DNM2: variants seen among roughly 807,000 people sequenced by gnomAD.
DNM2 encodes the protein dynamin 2.
In DNM2, 15 loss-of-function variants were observed where a neutral mutation model predicts 99.0. The ratio of observed to expected loss-of-function variants is 0.15; its 90% CI spans 0.10 to 0.23. DNM2 has a LOEUF of 0.23. Among genes scored for constraint, DNM2 ranks in the 10% least tolerant of loss-of-function variants. The pLI is 1.00. For missense variants in DNM2, 742 were observed against 1,189.4 expected, an observed-to-expected ratio of 0.62 and a Z score of 5.53; for synonymous variants, 525 against 481.2, an observed-to-expected ratio of 1.09 and a Z score of -1.19.
At chr19:10,737,414 C>G (rs913724583) in intron 1 of DNM2, among the ~76,000 whole-genome samples, 2 of 152,152 alleles carry the variant, frequency 1.3e-5, no homozygotes, top group African/African-American at 4.8e-5. Context: ...CCTGTTCTCT[C>G]TGTCCCCTTC....
intron 18 of DNM2, among the ~76,000 whole-genome samples, chr19:10,826,084 G>A (rs2073134427): frequency 6.6e-6 from 1 of 152,060 alleles, no homozygotes; most frequent in Non-Finnish European, 1.5e-5. Context: ...TTGAACACCA[G>A]AATCTGCACG....
In DNM2 at chr19:10,775,972, C is replaced by T; in HGVS notation, c.589+66C>T. Reference sequence around the variant, plus strand: ...CTGAGCATGGGATGTGCCCAGCATCCTTGGTTCCAAGTCACTGGCGTTCTC... The same window carrying T: ...CTGAGCATGGGATGTGCCCAGCATCTTTGGTTCCAAGTCACTGGCGTTCTC... On this transcript the variant is annotated intron_variant, in intron 4 of 20. Transcript: ENST00000389253. This position sits in a 1 kb window ranked among gnomAD's most constrained non-coding sequence, Gnocchi z 4.3. The T allele has an allele frequency of 8.9e-6, 14 of 1,580,094 alleles. No individual in the cohort carries two copies. Among genetic ancestry groups the T allele is most frequent in the Non-Finnish European group, 1.1e-5 (13 of 1,166,944 alleles).
chr19:10,828,316 G>A (rs558793181), intron 18 of DNM2, among the ~76,000 whole-genome samples: 10 of 151,704 alleles, frequency 6.6e-5, no homozygotes, highest in South Asian at 2.1e-4. Context: ...GGCTGGGCGC[G>A]GTGGCTCACG....
At position 10,743,930 on chromosome 19, in the gene DNM2, G is replaced by A. The variant is rs1282985787; in HGVS notation, c.162-15808G>A. On this transcript the variant is annotated intron_variant, in intron 1 of 20. Transcript: ENST00000389253. ...TGAACTCGGGAGGCAAGGTTGCAGTGAGCCAAGATCACGCCATTGCACTCC... is the reference window on the plus strand; with the variant it reads ...TGAACTCGGGAGGCAAGGTTGCAGTAAGCCAAGATCACGCCATTGCACTCC... Among the ~76,000 whole-genome samples, 7 of 150,900 alleles carry A rather than the reference G, an allele frequency of 4.6e-5. No individual in the cohort carries two copies. The East Asian group carries it at 7.8e-4, about 17-fold the overall frequency.
chr19:10,788,824 G>A (rs2071653002), intron 7 of DNM2, among the ~76,000 whole-genome samples: 1 of 152,206 alleles, frequency 6.6e-6, no homozygotes, highest in Non-Finnish European at 1.5e-5. Flanking sequence ...AGCTCATACT[G>A]CAGACAGTGC....
chr19:10,781,825 A>G (rs886435333), intron 5 of DNM2: 1 of 151,954 alleles, frequency 6.6e-6, no homozygotes, highest in Non-Finnish European at 1.5e-5. Context: ...TCTTTGCAAC[A>G]GTGTGTATTG....
At chr19:10,822,778 C>T (rs12984483) in intron 16 of DNM2, among the ~76,000 whole-genome samples, 4 of 149,116 alleles carry the variant, frequency 2.7e-5, no homozygotes, top group Middle Eastern at 3.2e-3. Context: ...GGATTACAGG[C>T]GTGAGCCACT....
chr19:10,756,443 C>T (rs1276776463), intron 1 of DNM2, among the ~76,000 whole-genome samples: 1 of 152,182 alleles, frequency 6.6e-6, no homozygotes, highest in African/African-American at 2.4e-5. Context: ...GTGATGTTGT[C>T]CAAGTCTCGT....
rs563427170 is a variant in DNM2, at chr19:10,830,929, G to A, written c.2544-49G>A. The A allele has an allele frequency of 3.7e-5, 58 of 1,580,018 alleles. No homozygotes were observed. In the South Asian group the frequency reaches 4.4e-4, roughly 12 times the overall value. On this transcript the variant is annotated intron_variant, in intron 20 of 20. Coordinates refer to ENST00000389253, the MANE Select transcript of DNM2 (RefSeq NM_001005361.3). This position sits in a 1 kb window ranked among gnomAD's most constrained non-coding sequence, Gnocchi z 4.8. Reference sequence around the variant, plus strand: ...CAACCCAGGCCTGCCTCTTGCTCCCGGCCTCACTGCCGTCTCCCCCTCCCC... The same window carrying A: ...CAACCCAGGCCTGCCTCTTGCTCCCAGCCTCACTGCCGTCTCCCCCTCCCC...
In DNM2 at chr19:10,830,164, C is replaced by T. The variant is rs1247068394; in HGVS notation, c.2329C>T (p.Pro777Ser). 1 of 1,613,784 alleles carries T rather than the reference C, an allele frequency of 6.2e-7. No individual in the cohort carries two copies. Among genetic ancestry groups the T allele is most frequent in the South Asian group, 1.1e-5 (1 of 91,086 alleles). ...GCGCCGACCGGTGTCCAGCATACAC[C>T]CCCCTGGCCGGCCCCCAGCAGTGAG... ...PQRRPVSSIH[P>S]PGRPPAVRGP... The change falls in exon 20 of 21, where the codon CCC (proline) becomes TCC (serine). Residue 777 changes from proline to serine, a missense_variant. Pro to Ser is a moderately conservative substitution (Grantham distance 74). Coordinates refer to ENST00000389253, the MANE Select transcript of DNM2 (RefSeq NM_001005361.3). This position sits in a 1 kb window ranked among gnomAD's most constrained non-coding sequence, Gnocchi z 4.8.
chr19:10,756,266 C>T (rs956405821), intron 1 of DNM2, among the ~76,000 whole-genome samples: 2 of 152,102 alleles, frequency 1.3e-5, no homozygotes, highest in Admixed American at 1.3e-4. Flanking sequence ...TCCCCCTGCT[C>T]AGAGAACCCT....
intron 1 of DNM2, among the ~76,000 whole-genome samples, chr19:10,727,360 C>T (rs2069148568): frequency 6.6e-6 from 1 of 151,102 alleles, no homozygotes; most frequent in Admixed American, 6.6e-5. Flanking sequence ...CTTTTCTTTT[C>T]TTTTTCTTTT....
chr19:10,719,529 G>C (rs936720051), intron 1 of DNM2, among the ~76,000 whole-genome samples: 8 of 152,102 alleles, frequency 5.3e-5, no homozygotes, highest in African/African-American at 1.9e-4. Context: ...ACTCTCTGGG[G>C]CTGTTTCCAG....
chr19:10,778,885 G>A (rs1200046096), intron 5 of DNM2, among the ~76,000 whole-genome samples: 1 of 151,988 alleles, frequency 6.6e-6, no homozygotes, highest in East Asian at 1.9e-4. Context: ...TCTGATAGGA[G>A]TAACCTAAGT....
chr19:10,790,660 G>A (rs569312495), intron 7 of DNM2, among the ~76,000 whole-genome samples: 1 of 152,168 alleles, frequency 6.6e-6, no homozygotes, highest in South Asian at 2.1e-4. Context: ...AAAGACAGGG[G>A]TTTCACCATG....
intron 13 of DNM2, among the ~76,000 whole-genome samples, chr19:10,807,137 A>G (rs1034712065): frequency 9.2e-5 from 14 of 151,838 alleles, no homozygotes; most frequent in East Asian, 7.8e-4. Flanking sequence ...CAGTGGCGCA[A>G]TCTTGGCTCA....
chr19:10,757,753 G>C lies in DNM2; in HGVS notation c.162-1985G>C, dbSNP rs2070444651. On this transcript the variant is annotated intron_variant, in intron 1 of 20. Coordinates refer to ENST00000389253, the MANE Select transcript of DNM2 (RefSeq NM_001005361.3). ...TGAGGTTGAGTTCGAGACCACTCTG[G>C]CCAACATAGTGAAACCCTGTCTCTA... 1.3e-5 allele frequency among the ~76,000 whole-genome samples: 2 copies of C among 151,958 alleles called. 1 individual carries two copies. The highest frequency in any genetic ancestry group is 4.2e-4 in the South Asian group (2 of 4,816).
At chr19:10,798,873 G>A (rs751409498) in intron 11 of DNM2, among the ~76,000 whole-genome samples, 2 of 152,056 alleles carry the variant, frequency 1.3e-5, no homozygotes, top group African/African-American at 2.4e-5. Flanking sequence ...GATACAGAGC[G>A]GTTCCGTCAC....
At chr19:10,798,725 C>G (rs1289968545) in intron 11 of DNM2, among the ~76,000 whole-genome samples, 153 bp downstream of exon 11, 1 of 152,012 alleles carries the variant, frequency 6.6e-6, no homozygotes, top group Non-Finnish European at 1.5e-5. Flanking sequence ...AATCCCTGTC[C>G]CTATCATGCT....
Sources: gnomAD v4.1 joint callset for allele counts (sites outside exome capture counted in the v4.1 genomes callset) on GRCh38, gnomAD v4.1.1 for gene constraint, Gnocchi (gnomAD v3.1) non-coding constraint, MANE v1.5 for transcripts, NCBI Gene and HGNC (gene_info 2026-07-23, HGNC 2026-07-21) for gene names.